EXT2: variants seen among roughly 807,000 people sequenced by gnomAD.
EXT2 encodes exostosin glycosyltransferase 2.
A neutral mutation model predicts 81.6 loss-of-function variants in EXT2; 53 were observed. That is an observed-to-expected ratio of 0.65 (90% CI 0.52 to 0.82). The LOEUF (loss-of-function observed/expected upper bound fraction) is 0.82. Ranked by LOEUF, EXT2 falls within the 40% of genes least tolerant of loss-of-function variation. The probability of loss-of-function intolerance (pLI) is 0.00; values close to 1 mark genes in which losing one functional copy is unlikely to be tolerated. For synonymous variants in EXT2, 320 were observed against 340.0 expected (o/e 0.94, Z 0.65); for missense variants, 774 against 910.2 (o/e 0.85, Z 1.93).
chr11:44,150,326 A>G (rs1954776008), intron 7 of EXT2, among the ~76,000 whole-genome samples: 1 of 152,122 alleles, frequency 6.6e-6, no homozygotes, highest in Non-Finnish European at 1.5e-5. Flanking sequence ...TTCACTACAT[A>G]TGTGCCAACT....
At chr11:44,096,076 C>T (rs2134931604) in intron 1 of EXT2, 2 of 684,904 alleles carry the variant, frequency 2.9e-6, no homozygotes, top group Non-Finnish European at 5.3e-6. Flanking sequence ...TCTCCTTCTC[C>T]TCCGGCGGCG....
intron 8 of EXT2, among the ~76,000 whole-genome samples, chr11:44,188,120 T>G (rs1955341767): frequency 6.6e-6 from 1 of 152,216 alleles, no homozygotes; most frequent in Non-Finnish European, 1.5e-5. Flanking sequence ...ATAAAGCAAT[T>G]TTAACCTATT....
intron 11 of EXT2, 141 bp from the exon 12 acceptor site, chr11:44,233,974 T>C: frequency 8.3e-7 from 1 of 1,202,020 alleles, no homozygotes; most frequent in African/African-American, 1.5e-5. Flanking sequence ...ATGCCTCCTT[T>C]TACCCTTCCT....
intron 7 of EXT2, among the ~76,000 whole-genome samples, chr11:44,137,665 T>A (rs1346036299): frequency 1.3e-5 from 2 of 152,166 alleles, no homozygotes; most frequent in Non-Finnish European, 2.9e-5. Context: ...TATGTGGAAT[T>A]TAGACTGTGT....
In EXT2 at chr11:44,248,461, C is replaced by T. The variant is rs888684232; in HGVS notation, c.*4174C>T. On this transcript the variant is annotated 3_prime_UTR_variant, in exon 14 of 14. Coordinates refer to ENST00000533608, the MANE Select transcript of EXT2 (RefSeq NM_207122.2). Reference sequence around the variant, plus strand: ...GTCCAAGCCCTGGACCTCCTGTCCTCGGCCTGTGTTTGGTACTCACCCACT... The same window carrying T: ...GTCCAAGCCCTGGACCTCCTGTCCTTGGCCTGTGTTTGGTACTCACCCACT... Among the ~76,000 whole-genome samples, 6 of 152,328 alleles carry T rather than the reference C, an allele frequency of 3.9e-5. No individual in the cohort carries two copies. Among genetic ancestry groups the T allele is most frequent in the Non-Finnish European group, 5.9e-5 (4 of 68,028 alleles).
At position 44,247,424 on chromosome 11, in the gene EXT2, G is replaced by A. The variant is rs1336627106; in HGVS notation, c.*3137G>A. 1.4e-5 allele frequency among the ~76,000 whole-genome samples: 1 copy of A among 72,642 alleles called. No homozygotes were observed. Among genetic ancestry groups the A allele is most frequent in the Non-Finnish European group, 2.8e-5 (1 of 35,618 alleles). 47.7% of individuals were successfully genotyped at this position (72,642 alleles called of 152,430 possible). On this transcript the variant is annotated 3_prime_UTR_variant, in exon 14 of 14. Transcript: ENST00000533608. The stretch of plus-strand genomic sequence containing the variant: ...GCCACCACGCCTGGCTAATTTGTTT[G>A]TAATTTTAGTAGAGGCAGGGTTTCA...
At chr11:44,235,958 C>A (rs1955958412) in intron 12 of EXT2, among the ~76,000 whole-genome samples, 1 of 152,168 alleles carries the variant, frequency 6.6e-6, no homozygotes. Flanking sequence ...TATTTCATCG[C>A]CCTTATGGCT....
Position 44,236,307 on chromosome 11 carries a change from G to T in EXT2, c.1950G>T (p.Lys650Asn). The change falls in exon 13 of 14, where the codon AAG becomes AAT. Residue 650 changes from lysine (K) to asparagine (N), a missense_variant. Transcript: ENST00000533608. ...GKAVIKVTPR[K>N]KFKCPECTAI... ...TCCTCTGGCAGGTAACCCCACGAAA[G>T]AAATTCAAGTGTCCTGAGTGCACAG... The T allele has an allele frequency of 6.2e-7, 1 of 1,614,116 alleles. No homozygotes were observed.
chr11:44,210,721 G>A (rs1199646710), intron 10 of EXT2, among the ~76,000 whole-genome samples: 1 of 152,118 alleles, frequency 6.6e-6, no homozygotes, highest in Non-Finnish European at 1.5e-5. Flanking sequence ...TCTAGCAGTA[G>A]CATAAAAACT....
chr11:44,130,474 C>G (rs907127337), intron 7 of EXT2, among the ~76,000 whole-genome samples: 10 of 152,306 alleles, frequency 6.6e-5, no homozygotes, highest in African/African-American at 2.4e-4. Flanking sequence ...CATTTCAGGG[C>G]AATACTTCTG....
rs1473876438 is a variant in EXT2, at chr11:44,171,707, A to G, written c.1270A>G (p.Ile424Val). The G allele has an allele frequency of 9.3e-6, 15 of 1,613,978 alleles. No homozygotes were observed. Among genetic ancestry groups the G allele is most frequent in the Non-Finnish European group, 1.2e-5 (14 of 1,179,960 alleles). ...INDRIYPYAA[I>V]SYEEWNDPPA... Reference sequence around the variant, plus strand: ...TGACCGGATCTATCCATATGCTGCCATCTCCTATGAAGAATGGAATGACCC... The same window carrying G: ...TGACCGGATCTATCCATATGCTGCCGTCTCCTATGAAGAATGGAATGACCC... Residue 424 changes from isoleucine (I) to valine (V), a missense_variant, in exon 8 of 14, where the codon ATC (isoleucine) becomes GTC (valine). Physicochemically the swap from Ile to Val is conservative, Grantham distance 29. This residue lies in a region of EXT2 where 626 missense variants were observed against 670.5 expected (regional missense o/e 0.93). Transcript: ENST00000533608.
chr11:44,164,479 A>C (rs1298799019), intron 7 of EXT2, among the ~76,000 whole-genome samples: 1 of 152,232 alleles, frequency 6.6e-6, no homozygotes, highest in Non-Finnish European at 1.5e-5. Context: ...GGCTTCTCTT[A>C]AATACTTATT....
Position 44,249,628 on chromosome 11 carries a change from T to C in EXT2, c.*5341T>C, listed in dbSNP as rs980152131. 1.3e-5 allele frequency among the ~76,000 whole-genome samples: 2 copies of C among 152,240 alleles called. No individual in the cohort carries two copies. The highest frequency in any genetic ancestry group is 4.8e-5 in the African/African-American group (2 of 41,458). The stretch of plus-strand genomic sequence containing the variant: ...TTTACTTATAGCTGCAAATATATCA[T>C]TGGCTACTATACCCAAGCATCAACT... On this transcript the variant is annotated 3_prime_UTR_variant, in exon 14 of 14. Transcript: ENST00000533608.
Position 44,117,115 on chromosome 11 carries a change from G to A in EXT2, c.743+2814G>A, listed in dbSNP as rs535361641. ...CTCCCAAGTAGCTGGGATTACAGGC[G>A]TGTGCCACCACGCCCAGCTAATTTT... is the stretch of plus-strand genomic sequence containing the variant. On this transcript the variant is annotated intron_variant, in intron 4 of 13. Transcript: ENST00000533608. Among the ~76,000 whole-genome samples, 34 of 152,056 alleles carry A rather than the reference G, an allele frequency of 2.2e-4. 1 individual carries two copies. Among genetic ancestry groups the A allele is most frequent in the African/African-American group, 6.5e-4 (27 of 41,480 alleles).
intron 10 of EXT2, among the ~76,000 whole-genome samples, chr11:44,221,315 G>A (rs573913956): frequency 1.8e-4 from 28 of 152,300 alleles, no homozygotes; most frequent in African/African-American, 6.0e-4. Flanking sequence ...CCTATCTGCA[G>A]CACCATGGAG....
chr11:44,108,423 G>A (rs1954094597), intron 2 of EXT2, among the ~76,000 whole-genome samples, 175 bp downstream of exon 2: 1 of 152,212 alleles, frequency 6.6e-6, no homozygotes, highest in South Asian at 2.1e-4. Flanking sequence ...CTGTGTGGCA[G>A]CATCTGCCTG....
At position 44,124,770 on chromosome 11, in the gene EXT2, C is replaced by A; in HGVS notation, c.744-19C>A. On this transcript the variant is annotated intron_variant, in intron 4 of 13. Transcript: ENST00000533608. ...ATACCAGCTGCAATTTTCCAATCAC[C>A]TGTTTTTTTCCCTTGTAGTCCACGG... 1.2e-6 allele frequency: 2 copies of A among 1,613,040 alleles called. No individual in the cohort carries two copies. Among genetic ancestry groups the A allele is most frequent in the Non-Finnish European group, 1.7e-6 (2 of 1,179,208 alleles).
intron 1 of EXT2, 36 bp downstream of exon 1, chr11:44,095,888 C>T (rs1052528701): frequency 9.0e-6 from 2 of 222,556 alleles, no homozygotes; most frequent in African/African-American, 2.4e-5. Context: ...GCCGGGCGGG[C>T]GCTGAAGCGA....
chr11:44,197,457 A>C (rs1441810783), intron 8 of EXT2, among the ~76,000 whole-genome samples: 1 of 152,056 alleles, frequency 6.6e-6, no homozygotes, highest in African/African-American at 2.4e-5. Flanking sequence ...ATATCGTAAT[A>C]GGCCCATCAG....
Sources: gnomAD v4.1 joint callset for allele counts (sites outside exome capture counted in the v4.1 genomes callset) on GRCh38, gnomAD v4.1.1 for gene constraint, gnomAD v4.1.1 regional missense constraint, MANE v1.5 for transcripts, NCBI Gene and HGNC (gene_info 2026-07-23, HGNC 2026-07-21) for gene names.